The following IFT57 variants were observed in gnomAD, a reference collection of about 807,000 sequenced individuals.
The protein encoded by IFT57 is intraflagellar transport protein 57 homolog.
In IFT57, 59 loss-of-function variants were observed where a neutral mutation model predicts 56.8. That is an observed-to-expected ratio of 1.04 (90% confidence interval 0.84 to 1.29). The LOEUF (loss-of-function observed/expected upper bound fraction) is 1.29, where lower values mean the gene tolerates loss of function less well. IFT57 is among the 50% of genes most tolerant of loss of function. The pLI is 0.00. For synonymous variants in IFT57, 209 were observed against 186.1 expected, an observed-to-expected ratio of 1.12 and a Z score of -1.00; for missense variants, 470 against 522.1, an observed-to-expected ratio of 0.90 and a Z score of 0.97.
chr3:108,204,396 T>C (rs1009084952), intron 5 of IFT57, among the ~76,000 whole-genome samples: 3 of 152,210 alleles, frequency 2.0e-5, no homozygotes, highest in African/African-American at 7.2e-5. Context: ...CTTCCTCATG[T>C]AGTTTGCGAT....
At chr3:108,200,649 T>C (rs2080273512) in intron 5 of IFT57, among the ~76,000 whole-genome samples, 1 of 152,198 alleles carries the variant, frequency 6.6e-6, no homozygotes, top group Non-Finnish European at 1.5e-5. Context: ...AAAATCATTA[T>C]ATTACTTTTC....
chr3:108,200,491 T>C (rs1225139945), intron 5 of IFT57, among the ~76,000 whole-genome samples: 1 of 152,068 alleles, frequency 6.6e-6, no homozygotes, highest in African/African-American at 2.4e-5. Flanking sequence ...GTTTAAAAAA[T>C]ACAAAGTTAT....
intron 6 of IFT57, among the ~76,000 whole-genome samples, chr3:108,183,346 A>G (rs561409452): frequency 6.6e-6 from 1 of 152,248 alleles, no homozygotes; most frequent in South Asian, 2.1e-4. Context: ...CTGACCCACA[A>G]TCTGCAGCAG....
chr3:108,169,896 ACCACATGATTATC>A (rs1202590482), intron 6 of IFT57, among the ~76,000 whole-genome samples: 1 of 152,038 alleles, frequency 6.6e-6, no homozygotes, highest in Non-Finnish European at 1.5e-5. Context: ...AGTGACAAAA[ACCACATGATTATC>A]CCAATAGATG....
At chr3:108,176,765 T>G (rs989237763) in intron 6 of IFT57, among the ~76,000 whole-genome samples, 8 of 151,844 alleles carry the variant, frequency 5.3e-5, no homozygotes, top group African/African-American at 1.9e-4. Flanking sequence ...TACTTAGAAA[T>G]TTTTTCTCTC....
intron 7 of IFT57, 91 bp from the exon 8 acceptor site, chr3:108,167,076 C>T: frequency 8.8e-7 from 1 of 1,134,920 alleles, no homozygotes. Context: ...ATCCATTCTA[C>T]AAATAATCAA....
At chr3:108,185,640 C>T (rs959747707) in intron 6 of IFT57, among the ~76,000 whole-genome samples, 1 of 142,028 alleles carries the variant, frequency 7.0e-6, no homozygotes, top group Admixed American at 7.5e-5. Context: ...CTCATCGCAA[C>T]CTCCCCCTCC....
At chr3:108,173,766 C>CTGTGTGTGTGTGTGTGTG (rs59233165) in intron 6 of IFT57, among the ~76,000 whole-genome samples, 56 of 124,682 alleles carry the variant, frequency 4.5e-4, no homozygotes, top group South Asian at 8.2e-4. Flanking sequence ...GTCAGGGACT[C>CTGTGTGTGTGTGTGTGTG]TGTGTGTGTG....
intron 1 of IFT57, among the ~76,000 whole-genome samples, chr3:108,220,108 T>A (rs2080397214): frequency 6.6e-6 from 1 of 152,220 alleles, no homozygotes; most frequent in Admixed American, 6.5e-5. Flanking sequence ...ATGAATTAAA[T>A]CAGAACTTCA....
At chr3:108,210,585 A>G (rs2080338450) in intron 4 of IFT57, among the ~76,000 whole-genome samples, 1 of 152,000 alleles carries the variant, frequency 6.6e-6, no homozygotes, top group African/African-American at 2.4e-5. Context: ...TGCCCACCCC[A>G]GCCTCCCAAA....
chr3:108,162,540 C>T lies in IFT57; in HGVS notation c.1227G>A (p.Lys409=). The T allele has an allele frequency of 6.2e-7, 1 of 1,612,398 alleles. No individual in the cohort carries two copies. Among genetic ancestry groups the T allele is most frequent in the Non-Finnish European group, 8.5e-7 (1 of 1,178,858 alleles). Residue 409 remains lysine (K), a synonymous_variant, in exon 11 of 11, where the codon AAG becomes AAA. Transcript: ENST00000264538. ...CATGCATGTTCCTAGTCATGTTGGA[C>T]TTCTCCTTCAGCTTTGATTGGAGTA... ...HTLLQSKLKE[K]SNMTRNMHAT...
intron 6 of IFT57, among the ~76,000 whole-genome samples, chr3:108,174,045 T>TGTGTGTGTGTGTGTGTGTG (rs2080110817): frequency 6.7e-6 from 1 of 148,690 alleles, no homozygotes. Flanking sequence ...TGTGTGTGTG[T>TGTGTGTGTGTGTGTGTGTG]TTAAGACAGG....
At chr3:108,216,855 GA>G (rs2080375733) in intron 3 of IFT57, among the ~76,000 whole-genome samples, 1 of 152,158 alleles carries the variant, frequency 6.6e-6, no homozygotes, top group Non-Finnish European at 1.5e-5. Flanking sequence ...TATGTCAAGT[GA>G]AATAAGCCAG....
intron 1 of IFT57, among the ~76,000 whole-genome samples, chr3:108,219,774 C>CAA (rs2080395539): frequency 6.6e-6 from 1 of 152,126 alleles, no homozygotes; most frequent in Admixed American, 6.6e-5. Context: ...AGGATTAGGG[C>CAA]AATTACTACT....
chr3:108,212,146 C>A (rs758426810), intron 4 of IFT57, among the ~76,000 whole-genome samples: 2 of 152,224 alleles, frequency 1.3e-5, no homozygotes, highest in African/African-American at 4.8e-5. Context: ...CCATGCCTGG[C>A]ATTTTTTTCT....
intron 9 of IFT57, 77 bp downstream of exon 9, chr3:108,165,354 G>A (rs1024548854): frequency 1.7e-6 from 2 of 1,150,082 alleles, no homozygotes; most frequent in Non-Finnish European, 1.3e-6. Flanking sequence ...AATTAGCAGT[G>A]TTAAACCATT....
chr3:108,181,288 C>T (rs181716407), intron 6 of IFT57, among the ~76,000 whole-genome samples: 81 of 152,120 alleles, frequency 5.3e-4, no homozygotes, highest in Non-Finnish European at 2.6e-4. Flanking sequence ...TTCTCCACCC[C>T]TTTACTGTAT....
chr3:108,173,897 T>C (rs755853203), intron 6 of IFT57, among the ~76,000 whole-genome samples: 1 of 150,280 alleles, frequency 6.7e-6, no homozygotes, highest in Non-Finnish European at 1.5e-5. Context: ...ACAGCAAACA[T>C]GCATGCTAAC....
At position 108,162,369 on chromosome 3, in the gene IFT57, TA is replaced by T; in HGVS notation, c.*107del. 8.3e-6 allele frequency: 7 copies of T among 839,072 alleles called. No individual in the cohort carries two copies. The highest frequency in any genetic ancestry group is 1.1e-5 in the Non-Finnish European group (6 of 543,512). 52.0% of individuals were successfully genotyped at this position (839,072 alleles called of 1,614,324 possible). A position where few individuals can be genotyped will look rare whatever the true frequency, so the allele number is the denominator to read the frequency against. On this transcript the variant is annotated 3_prime_UTR_variant, in exon 11 of 11. Transcript: ENST00000264538. ...GATATAATATGTGAGTATGTATATG[TA>T]AAAAAATACCCATTGAACATAAAAT...
Sources: gnomAD v4.1 joint callset for allele counts (sites outside exome capture counted in the v4.1 genomes callset) on GRCh38, gnomAD v4.1.1 for gene constraint, MANE v1.5 for transcripts, NCBI Gene and HGNC (gene_info 2026-07-23, HGNC 2026-07-21) for gene names.